The following PIEZO2 variants were observed in gnomAD, a reference collection of about 807,000 sequenced individuals.
PIEZO2 encodes the protein piezo-type mechanosensitive ion channel component 2.
In PIEZO2, 172 loss-of-function variants were observed where a neutral mutation model predicts 337.3. The ratio of observed to expected loss-of-function variants is 0.51; its 90% CI spans 0.45 to 0.58. PIEZO2 has a LOEUF of 0.58. PIEZO2 is among the 20% of genes least tolerant of loss of function. The probability of loss-of-function intolerance (pLI) is 0.00; values close to 1 mark genes in which losing one functional copy is unlikely to be tolerated. For missense variants in PIEZO2, 3,028 were observed against 3,391.3 expected, an observed-to-expected ratio of 0.89 and a Z score of 2.66; for synonymous variants, 1,251 against 1,228.5, an observed-to-expected ratio of 1.02 and a Z score of -0.38.
intron 4 of PIEZO2, chr18:10,908,812 G>A (rs2030195271): frequency 6.6e-6 from 1 of 152,202 alleles, no homozygotes; most frequent in African/African-American, 2.4e-5. Flanking sequence ...AATTCCATGT[G>A]GTATGGTGTT....
chr18:10,838,281 T>C (rs954861702), intron 7 of PIEZO2, among the ~76,000 whole-genome samples: 1 of 152,218 alleles, frequency 6.6e-6, no homozygotes, highest in Non-Finnish European at 1.5e-5. Flanking sequence ...AACCATCTTT[T>C]TTTTATTGGT....
rs542639208 is a variant in PIEZO2 at position 10,867,908 on chromosome 18, G to C, written c.492+3345C>G. Among the ~76,000 whole-genome samples, 25 of 152,316 alleles carry C rather than the reference G, an allele frequency of 1.6e-4. 1 individual carries two copies. The Middle Eastern group carries it at 0.01, about 62-fold the overall frequency. ...AACAAATGAGCAAGACCACAGATGT[G>C]TCAGTTGAGAAAGAACCTTTGATGA... On this transcript the variant is annotated intron_variant, in intron 5 of 55. Coordinates refer to ENST00000674853, the MANE Select transcript of PIEZO2 (RefSeq NM_001378183.1).
chr18:10,941,155 GA>G (rs200151118), intron 3 of PIEZO2, among the ~76,000 whole-genome samples: 1 of 151,572 alleles, frequency 6.6e-6, no homozygotes, highest in African/African-American at 2.4e-5. Flanking sequence ...ACTAAAAAAT[GA>G]AAAAAAATGT....
rs73391373 is a variant in PIEZO2, at chr18:10,675,435, C to T, written c.8082-147G>A. On this transcript the variant is annotated intron_variant, in intron 53 of 55. Transcript: ENST00000674853. ...TACAATGTGTAGACATCATAATTTA[C>T]GGGTTCCTATTACAGTCAAAACTCT... 7.7e-3 allele frequency: 3,307 copies of T among 430,022 alleles called. 105 individuals are homozygous for T. The highest frequency in any genetic ancestry group is 0.058 in the African/African-American group (2,814 of 48,472). 26.6% of individuals were successfully genotyped at this position (430,022 alleles called of 1,614,324 possible).
intron 36 of PIEZO2, among the ~76,000 whole-genome samples, chr18:10,722,992 A>T (rs2036385707): frequency 9.2e-6 from 1 of 109,284 alleles, no homozygotes. Flanking sequence ...TTTGAGACAG[A>T]GTTTTGCTCT....
chr18:11,067,523 G>C (rs1023896528), intron 1 of PIEZO2, among the ~76,000 whole-genome samples: 2 of 152,168 alleles, frequency 1.3e-5, no homozygotes, highest in African/African-American at 4.8e-5. Flanking sequence ...AATACACAGA[G>C]ACTGAAGGTG....
intron 47 of PIEZO2, among the ~76,000 whole-genome samples, chr18:10,693,399 ACT>A (rs1237360935): frequency 7.5e-6 from 1 of 133,704 alleles, no homozygotes; most frequent in African/African-American, 3.0e-5. Context: ...ATGGAGTCTC[ACT>A]CTTTGTCACC....
intron 1 of PIEZO2, among the ~76,000 whole-genome samples, chr18:11,076,876 T>C (rs920505755): frequency 2.6e-5 from 4 of 152,204 alleles, no homozygotes; most frequent in Admixed American, 1.3e-4. Context: ...CTTCCTCCTT[T>C]GAAATATCTT....
chr18:10,695,536 T>A (rs1455881227), intron 47 of PIEZO2, among the ~76,000 whole-genome samples: 1 of 152,150 alleles, frequency 6.6e-6, no homozygotes, highest in Non-Finnish European at 1.5e-5. Flanking sequence ...TACCACAAGC[T>A]GAGACATTGC....
At chr18:11,121,648 C>T (rs2040030539) in intron 1 of PIEZO2, among the ~76,000 whole-genome samples, 1 of 152,178 alleles carries the variant, frequency 6.6e-6, no homozygotes, top group African/African-American at 2.4e-5. Context: ...CCGGTGCTCC[C>T]CAGCCTTCTC....
At chr18:11,050,470 G>A (rs1332702517) in intron 2 of PIEZO2, among the ~76,000 whole-genome samples, 1 of 151,496 alleles carries the variant, frequency 6.6e-6, no homozygotes, top group East Asian at 1.9e-4. Context: ...TAGTGATCTG[G>A]CAAAGTGTAT....
At position 11,127,266 on chromosome 18, in the gene PIEZO2, C is replaced by A. The variant is rs563199801; in HGVS notation, c.64+21259G>T. ...AGGAGGAAACGCTCATCAGAGCACA[C>A]AGCCACTGCAAAGAACTTAAAGCAA... is the stretch of plus-strand genomic sequence containing the variant. On this transcript the variant is annotated intron_variant, in intron 1 of 55. Transcript: ENST00000674853. The surrounding 1 kb of genome is among the most constrained non-coding windows in gnomAD (Gnocchi z 4.5). Among the ~76,000 whole-genome samples, 3 of 152,268 alleles carry A rather than the reference C, an allele frequency of 2.0e-5. No homozygotes were observed. In the South Asian group the frequency reaches 6.2e-4, roughly 32 times the overall value.
At position 10,872,020 on chromosome 18, in the gene PIEZO2, C is replaced by A. The variant is rs900049151; in HGVS notation, c.330-605G>T. Among the ~76,000 whole-genome samples, 1 of 152,202 alleles carries A rather than the reference C, an allele frequency of 6.6e-6. No homozygotes were observed. Among genetic ancestry groups the A allele is most frequent in the Non-Finnish European group, 1.5e-5 (1 of 68,030 alleles). On this transcript the variant is annotated intron_variant, in intron 4 of 55. Coordinates refer to ENST00000674853, the MANE Select transcript of PIEZO2 (RefSeq NM_001378183.1). This position sits in a 1 kb window ranked among gnomAD's most constrained non-coding sequence, Gnocchi z 4.3. ...AGTAGTTGCATCCTGCTGGGGGCTT[C>A]TCACAGCCATCTGTTCTGCTGTGCT...
At chr18:11,124,133 T>C (rs1384387465) in intron 1 of PIEZO2, among the ~76,000 whole-genome samples, 3 of 152,208 alleles carry the variant, frequency 2.0e-5, no homozygotes, top group South Asian at 2.1e-4. Flanking sequence ...TGGCAGACAA[T>C]AGATATTTGA....
intron 1 of PIEZO2, among the ~76,000 whole-genome samples, chr18:11,118,363 G>A (rs2039944771): frequency 6.6e-6 from 1 of 152,146 alleles, no homozygotes. Context: ...TTATTCCACT[G>A]CACAAATGAT....
chr18:11,073,591 T>A (rs1441848482), intron 1 of PIEZO2, among the ~76,000 whole-genome samples: 1 of 151,942 alleles, frequency 6.6e-6, no homozygotes, highest in East Asian at 1.9e-4. Flanking sequence ...AAAAACTAAA[T>A]AAAATAAATA....
At position 10,686,580 on chromosome 18, in the gene PIEZO2, C is replaced by T. The variant is rs201087983; in HGVS notation, c.7497+3075G>A. Among the ~76,000 whole-genome samples the T allele has an allele frequency of 2.0e-5, 3 of 152,250 alleles. No homozygotes were observed. The East Asian group carries it at 5.8e-4, about 29-fold the overall frequency. On this transcript the variant is annotated intron_variant, in intron 49 of 55. Transcript: ENST00000674853. The stretch of plus-strand genomic sequence containing the variant: ...CTAGGCTCAGGGTATTAAGTGATTC[C>T]TAGGCCATATATGGATGAACAGACA...
At position 11,110,856 on chromosome 18, in the gene PIEZO2, T is replaced by A. The variant is rs1160288718; in HGVS notation, c.64+37669A>T. ...AAGTATAGGATCAGGCTGGATTGTC[T>A]GTGGTCCACTGGGTCACTGCCACCC... On this transcript the variant is annotated intron_variant, in intron 1 of 55. Coordinates refer to ENST00000674853, the MANE Select transcript of PIEZO2 (RefSeq NM_001378183.1). The surrounding 1 kb of genome is among the most constrained non-coding windows in gnomAD (Gnocchi z 4.2). 6.6e-6 allele frequency among the ~76,000 whole-genome samples: 1 copy of A among 152,184 alleles called. No homozygotes were observed. Among genetic ancestry groups the A allele is most frequent in the African/African-American group, 2.4e-5 (1 of 41,438 alleles).
intron 47 of PIEZO2, 46 bp downstream of exon 47, chr18:10,696,028 A>G (rs1228111465): frequency 6.5e-7 from 1 of 1,540,096 alleles, no homozygotes; most frequent in East Asian, 2.2e-5. Flanking sequence ...CAGGAAACAC[A>G]GTTGCATGGA....
Sources: allele counts gnomAD v4.1 joint callset (sites outside exome capture counted in the v4.1 genomes callset), GRCh38; gene constraint gnomAD v4.1.1; non-coding constraint Gnocchi (gnomAD v3.1); transcripts MANE v1.5; gene names NCBI Gene and HGNC (gene_info 2026-07-23, HGNC 2026-07-21).